The following DNAH11 variants were observed in gnomAD, a reference collection of about 807,000 sequenced individuals.
DNAH11 encodes the protein axonemal beta dynein heavy chain 11.
DNAH11 carries 442 observed loss-of-function variants against 526.0 expected under a neutral mutation model. That is an observed-to-expected ratio of 0.84 (90% CI 0.78 to 0.91). The LOEUF (loss-of-function observed/expected upper bound fraction) is 0.91. Ranked by LOEUF, DNAH11 falls within the 40% of genes least tolerant of loss-of-function variation. The probability of loss-of-function intolerance (pLI) is 0.00; values close to 1 mark genes in which losing one functional copy is unlikely to be tolerated. For missense variants in DNAH11, 6,989 were observed against 5,448.7 expected (o/e 1.28, Z -8.90); for synonymous variants, 2,461 against 1,935.9 (o/e 1.27, Z -7.12).
At chr7:21,645,043 C>G (rs1189232236) in intron 28 of DNAH11, among the ~76,000 whole-genome samples, 1 of 152,174 alleles carries the variant, frequency 6.6e-6, no homozygotes, top group Non-Finnish European at 1.5e-5. Flanking sequence ...CTTTGGAATT[C>G]TCTCCATAGC....
rs183454062 is a variant in DNAH11 at position 21,750,137 on chromosome 7, G to A, written c.8798-85G>A. 7.4e-4 allele frequency: 1,072 copies of A among 1,441,128 alleles called. 2 individuals carry two copies. The African/African-American group carries it at 8.3e-3, about 11-fold the overall frequency. 89.3% of individuals were successfully genotyped at this position (1,441,128 alleles called of 1,614,324 possible). A position where few individuals can be genotyped will look rare whatever the true frequency, so the allele number is the denominator to read the frequency against. On this transcript the variant is annotated intron_variant, in intron 53 of 81. Coordinates refer to ENST00000409508, the MANE Select transcript of DNAH11 (RefSeq NM_001277115.2). Reference sequence around the variant, plus strand: ...TACCATTTATGCTGAACTTTGTCTTGTAAAACATTTCAAACGTTTAAAAGT... The same window carrying A: ...TACCATTTATGCTGAACTTTGTCTTATAAAACATTTCAAACGTTTAAAAGT...
intron 42 of DNAH11, among the ~76,000 whole-genome samples, chr7:21,714,035 A>G (rs1370581875): frequency 1.3e-5 from 2 of 151,942 alleles, no homozygotes; most frequent in African/African-American, 4.8e-5. Flanking sequence ...GAGACCTCTT[A>G]CCCCTCCTGG....
chr7:21,596,575 A>G (rs962015700), intron 14 of DNAH11, among the ~76,000 whole-genome samples: 1 of 152,158 alleles, frequency 6.6e-6, no homozygotes, highest in Non-Finnish European at 1.5e-5. Flanking sequence ...TTTTTCTGTT[A>G]CATTTTCTTG....
chr7:21,710,528 A>G (rs1397312257), intron 40 of DNAH11, 25 bp from the exon 41 acceptor site: 2 of 1,554,456 alleles, frequency 1.3e-6, no homozygotes, highest in Admixed American at 1.9e-5. Context: ...AGAAATAAAC[A>G]GCACTCAACT....
rs549607925 is a variant in DNAH11, at chr7:21,900,380, A to C, written c.13303+260A>C. ...GTTAATGCCACTGAATAACATCATT[A>C]GACTTAGACTGAATTTACATTCTTT... On this transcript the variant is annotated intron_variant, in intron 81 of 81. Transcript: ENST00000409508. Among the ~76,000 whole-genome samples, 92 of 151,488 alleles carry C rather than the reference A, an allele frequency of 6.1e-4. 1 individual carries two copies. The highest frequency in any genetic ancestry group is 2.2e-3 in the African/African-American group (88 of 40,768).
chr7:21,802,662 T>C lies in DNAH11; in HGVS notation c.10165+1387T>C, dbSNP rs191659530. Among the ~76,000 whole-genome samples, 421 of 152,234 alleles carry C rather than the reference T, an allele frequency of 2.8e-3. 4 individuals are homozygous for C. Among genetic ancestry groups the C allele is most frequent in the Admixed American group, 6.0e-3 (92 of 15,284 alleles). ...AAATGAATACTGAGTCATGCTACAA[T>C]GTATGAATCTTGAAAATATCATGCT... On this transcript the variant is annotated intron_variant, in intron 62 of 81. Transcript: ENST00000409508.
intron 65 of DNAH11, among the ~76,000 whole-genome samples, chr7:21,820,000 C>A (rs979669): frequency 6.6e-6 from 1 of 152,166 alleles, no homozygotes; most frequent in African/African-American, 2.4e-5. Flanking sequence ...GCATGCAGTT[C>A]TTACCTTAAT....
chr7:21,863,475 G>T (rs1002392577), intron 69 of DNAH11, among the ~76,000 whole-genome samples: 2 of 152,106 alleles, frequency 1.3e-5, no homozygotes, highest in Admixed American at 6.5e-5. Flanking sequence ...CTACAGGCGT[G>T]CACCACCACA....
At chr7:21,619,282 C>A (rs1785928865) in intron 24 of DNAH11, 60 bp downstream of exon 24, 2 of 1,561,932 alleles carry the variant, frequency 1.3e-6, no homozygotes, top group East Asian at 4.6e-5. Context: ...TGCATAGAAG[C>A]CAACTTAGAG....
chr7:21,772,775 G>T (rs1012775125), intron 55 of DNAH11, among the ~76,000 whole-genome samples: 2 of 152,192 alleles, frequency 1.3e-5, no homozygotes, highest in African/African-American at 4.8e-5. Context: ...TTGTCGTGAT[G>T]TTGGAAAGTT....
At chr7:21,617,153 C>T (rs576710857) in intron 22 of DNAH11, among the ~76,000 whole-genome samples, 25 of 152,230 alleles carry the variant, frequency 1.6e-4, no homozygotes, top group African/African-American at 6.0e-4. Context: ...AGTCAAAGGA[C>T]CTATTTGGCA....
rs768642532 is a variant in DNAH11 at position 21,711,760 on chromosome 7, A to T, written c.6883A>T (p.Arg2295Trp). 1.9e-6 allele frequency: 3 copies of T among 1,613,836 alleles called. No individual in the cohort carries two copies. The highest frequency in any genetic ancestry group is 8.5e-7 in the Non-Finnish European group (1 of 1,179,798). ...GCGCATTGCACTCACTCCCTTCATG[A>T]GGCTTCTGTTTGAGATACATCACTT... ...NERIALTPFM[R>W]LLFEIHHLRS... Residue 2295 changes from arginine to tryptophan, a missense_variant, in exon 42 of 82, where the codon AGG becomes TGG. Physicochemically the swap from Arg to Trp is moderately radical, Grantham distance 101. Transcript: ENST00000409508.
chr7:21,612,630 A>C (rs150646222), intron 20 of DNAH11, among the ~76,000 whole-genome samples: 1 of 151,938 alleles, frequency 6.6e-6, no homozygotes, highest in Non-Finnish European at 1.5e-5. Flanking sequence ...GCTTTCAAGA[A>C]ACGGATCTCA....
chr7:21,826,082 G>A (rs1264544192), intron 65 of DNAH11, among the ~76,000 whole-genome samples: 1 of 152,158 alleles, frequency 6.6e-6, no homozygotes, highest in South Asian at 2.1e-4. Context: ...TTTTTTGGGT[G>A]ATGGTTACAT....
chr7:21,584,848 C>A (rs1205915913), intron 9 of DNAH11, among the ~76,000 whole-genome samples: 1 of 151,880 alleles, frequency 6.6e-6, no homozygotes, highest in Non-Finnish European at 1.5e-5. Flanking sequence ...TTTTTTCTTG[C>A]CTTTATAACA....
At position 21,894,828 on chromosome 7, in the gene DNAH11, G is replaced by A. The variant is rs577896257; in HGVS notation, c.12933+23G>A. 95 of 1,610,886 alleles carry A rather than the reference G, an allele frequency of 5.9e-5. No individual in the cohort carries two copies. The East Asian group carries it at 2.0e-3, about 34-fold the overall frequency. ...AAGGTAAGCTTAAAGTGAGGCTATA[G>A]TAGACTTCAGCACATTGGAAGATAT... is the stretch of plus-strand genomic sequence containing the variant. On this transcript the variant is annotated intron_variant, in intron 78 of 81. Transcript: ENST00000409508.
At chr7:21,617,527 G>C in intron 22 of DNAH11, 92 bp from the exon 23 acceptor site, 1 of 1,413,718 alleles carries the variant, frequency 7.1e-7, no homozygotes, top group Non-Finnish European at 9.7e-7. Flanking sequence ...TTCTAATCCA[G>C]GAGTTGGGAA....
chr7:21,705,344 G>T, intron 38 of DNAH11, 116 bp from the exon 39 acceptor site: 1 of 906,236 alleles, frequency 1.1e-6, no homozygotes, highest in Non-Finnish European at 1.7e-6. Context: ...TGAACATACT[G>T]TTGTCAGTGG....
intron 18 of DNAH11, among the ~76,000 whole-genome samples, chr7:21,603,157 A>G (rs1785157124): frequency 1.3e-5 from 2 of 152,356 alleles, no homozygotes; most frequent in South Asian, 4.1e-4. Flanking sequence ...ATCATACAAT[A>G]TGTGACCTAT....
Sources: allele counts gnomAD v4.1 joint callset (sites outside exome capture counted in the v4.1 genomes callset), GRCh38; gene constraint gnomAD v4.1.1; transcripts MANE v1.5; gene names NCBI Gene and HGNC (gene_info 2026-07-23, HGNC 2026-07-21).